EFEMP1: variants seen among roughly 807,000 people sequenced by gnomAD.
EFEMP1 encodes EGF-containing fibulin-like extracellular matrix protein 1.
A neutral mutation model predicts 65.7 loss-of-function variants in EFEMP1; 18 were observed. The ratio of observed to expected loss-of-function variants is 0.27; its 90% confidence interval spans 0.19 to 0.41. The LOEUF is 0.41. EFEMP1 is among the 10% of genes least tolerant of loss of function. The pLI, the probability that EFEMP1 is intolerant of heterozygous loss-of-function variation, is 1.00. For missense variants in EFEMP1, 469 were observed against 624.8 expected (o/e 0.75, Z 2.66); for synonymous variants, 237 against 219.7 (o/e 1.08, Z -0.70).
chr2:55,877,714 G>A lies in EFEMP1; in HGVS notation c.760+32C>T. 3.1e-6 allele frequency: 5 copies of A among 1,612,050 alleles called. No individual in the cohort carries two copies. The highest frequency in any genetic ancestry group is 4.2e-6 in the Non-Finnish European group (5 of 1,178,616). ...ATGGCATGGGGTTTCCTTTTGTGAA[G>A]ACAGAAATCAGCAAGTTCTCAAAAG... On this transcript the variant is annotated intron_variant, in intron 7 of 11. Coordinates refer to ENST00000355426, the MANE Select transcript of EFEMP1 (RefSeq NM_001039348.3). This position sits in a 1 kb window ranked among gnomAD's most constrained non-coding sequence, Gnocchi z 4.5.
chr2:55,903,614 G>A (rs1670125271), intron 5 of EFEMP1, among the ~76,000 whole-genome samples: 1 of 152,126 alleles, frequency 6.6e-6, no homozygotes, highest in Non-Finnish European at 1.5e-5. Flanking sequence ...AATCTATAAT[G>A]CATAACACAC....
intron 5 of EFEMP1, among the ~76,000 whole-genome samples, chr2:55,891,390 G>A (rs187498852): frequency 1.4e-3 from 212 of 152,134 alleles, no homozygotes; most frequent in African/African-American, 4.3e-3. Flanking sequence ...TGAACGGTGG[G>A]TGTTCCTTGT....
chr2:55,874,501 T>C (rs963323109), intron 9 of EFEMP1, among the ~76,000 whole-genome samples: 1 of 152,110 alleles, frequency 6.6e-6, no homozygotes, highest in Non-Finnish European at 1.5e-5. Context: ...TACAACATAT[T>C]AGGCTGACTT....
At chr2:55,898,972 A>G (rs1447049565) in intron 5 of EFEMP1, among the ~76,000 whole-genome samples, 1 of 152,242 alleles carries the variant, frequency 6.6e-6, no homozygotes, top group Non-Finnish European at 1.5e-5. Flanking sequence ...AGCAAGAGAC[A>G]TGAAAGGAGA....
At chr2:55,906,551 T>C (rs183986199) in intron 5 of EFEMP1, among the ~76,000 whole-genome samples, 3 of 152,256 alleles carry the variant, frequency 2.0e-5, no homozygotes, top group African/African-American at 4.8e-5. Flanking sequence ...CCAGCTTGTA[T>C]GGGAGGACTT....
In EFEMP1 at chr2:55,890,690, C is replaced by T. The variant is rs541345199; in HGVS notation, c.518-8956G>A. 1.4e-4 allele frequency among the ~76,000 whole-genome samples: 21 copies of T among 152,162 alleles called. No individual in the cohort carries two copies. The East Asian group carries it at 3.9e-3, about 28-fold the overall frequency. ...CTTTTGGAAAATTAGACATACTTCA[C>T]AACAACCCATGGTTTAAAGATAGCT... On this transcript the variant is annotated intron_variant, in intron 5 of 11. Coordinates refer to ENST00000355426, the MANE Select transcript of EFEMP1 (RefSeq NM_001039348.3).
intron 5 of EFEMP1, among the ~76,000 whole-genome samples, chr2:55,905,150 G>A (rs1159500001): frequency 6.6e-6 from 1 of 151,942 alleles, no homozygotes; most frequent in African/African-American, 2.4e-5. Context: ...GATTTACACT[G>A]AAAAATAAAC....
In EFEMP1 at chr2:55,871,090, C is replaced by G; in HGVS notation, c.1034G>C (p.Arg345Pro). Residue 345 changes from arginine (R) to proline (P), a missense_variant, in exon 10 of 12, where the codon CGG becomes CCG. This residue lies in a region of EFEMP1 where 399 missense variants were observed against 528.2 expected (regional missense o/e 0.76). Transcript: ENST00000355426. This position sits in a 1 kb window ranked among gnomAD's most constrained non-coding sequence, Gnocchi z 4.2. ...INECETTNEC[R>P]EDEMCWNYHG... ...ATAATTCCAACACATTTCATCCTCC[C>G]GGCATTCATTTGTGGTCTCACACTC... The G allele has an allele frequency of 6.2e-7, 1 of 1,613,640 alleles. No individual in the cohort carries two copies. The highest frequency in any genetic ancestry group is 8.5e-7 in the Non-Finnish European group (1 of 1,179,722).
chr2:55,896,432 A>G (rs1475396208), intron 5 of EFEMP1, among the ~76,000 whole-genome samples: 2 of 152,336 alleles, frequency 1.3e-5, no homozygotes, highest in East Asian at 3.9e-4. Flanking sequence ...CTATGTGGAG[A>G]AAAACTAGAA....
At chr2:55,898,937 G>A (rs1669934207) in intron 5 of EFEMP1, among the ~76,000 whole-genome samples, 1 of 152,142 alleles carries the variant, frequency 6.6e-6, no homozygotes, top group African/African-American at 2.4e-5. Flanking sequence ...TTACTTTCAA[G>A]TACTGTACGT....
At chr2:55,890,739 A>G (rs1446292253) in intron 5 of EFEMP1, among the ~76,000 whole-genome samples, 1 of 152,144 alleles carries the variant, frequency 6.6e-6, no homozygotes, top group African/African-American at 2.4e-5. Flanking sequence ...AGAAATCTCA[A>G]ACTGAATGAA....
chr2:55,889,567 A>G (rs1006030984), intron 5 of EFEMP1, among the ~76,000 whole-genome samples: 1 of 152,216 alleles, frequency 6.6e-6, no homozygotes, highest in Non-Finnish European at 1.5e-5. Flanking sequence ...TAAAAAGAAT[A>G]AAGATGTGGA....
intron 5 of EFEMP1, among the ~76,000 whole-genome samples, chr2:55,912,539 C>T (rs1670514234): frequency 6.6e-6 from 1 of 152,178 alleles, no homozygotes; most frequent in South Asian, 2.1e-4. Context: ...ATAATAACTT[C>T]TTCCTTTTTC....
At chr2:55,890,000 A>C (rs897619462) in intron 5 of EFEMP1, among the ~76,000 whole-genome samples, 7 of 152,070 alleles carry the variant, frequency 4.6e-5, no homozygotes, top group African/African-American at 1.7e-4. Flanking sequence ...GGTTATAGTA[A>C]ATGTAAATGG....
In EFEMP1 at chr2:55,886,759, T is replaced by A. The variant is rs1408858876; in HGVS notation, c.518-5025A>T. Reference sequence around the variant, plus strand: ...AACTTTTTAAATAAAAGGGACTCACTGAGTGAAGGTCTTAGAGGTATTTGG... The same window carrying A: ...AACTTTTTAAATAAAAGGGACTCACAGAGTGAAGGTCTTAGAGGTATTTGG... On this transcript the variant is annotated intron_variant, in intron 5 of 11. Coordinates refer to ENST00000355426, the MANE Select transcript of EFEMP1 (RefSeq NM_001039348.3). The surrounding 1 kb of genome is among the most constrained non-coding windows in gnomAD (Gnocchi z 4.0). 6.6e-6 allele frequency among the ~76,000 whole-genome samples: 1 copy of A among 152,186 alleles called. No homozygotes were observed. The highest frequency in any genetic ancestry group is 1.5e-5 in the Non-Finnish European group (1 of 68,030).
At chr2:55,890,797 T>A (rs531287334) in intron 5 of EFEMP1, among the ~76,000 whole-genome samples, 3 of 152,022 alleles carry the variant, frequency 2.0e-5, no homozygotes, top group Non-Finnish European at 4.4e-5. Context: ...TGCCAGCCCA[T>A]AAGAAGGCCC....
At position 55,921,879 on chromosome 2, in the gene EFEMP1, A is replaced by G. The variant is rs1451197924; in HGVS notation, c.81+481T>C. The stretch of plus-strand genomic sequence containing the variant: ...AGTTATACAAAAAGAATGAATATAT[A>G]GCCTTTATAAATTCAATAAAGGCCA... On this transcript the variant is annotated intron_variant, in intron 3 of 11. Coordinates refer to ENST00000355426, the MANE Select transcript of EFEMP1 (RefSeq NM_001039348.3). The surrounding 1 kb of genome is among the most constrained non-coding windows in gnomAD (Gnocchi z 4.1). 1 of 183,538 alleles carries G rather than the reference A, an allele frequency of 5.4e-6. No individual in the cohort carries two copies. Among genetic ancestry groups the G allele is most frequent in the African/African-American group, 2.4e-5 (1 of 42,416 alleles). 11.4% of individuals were successfully genotyped at this position (183,538 alleles called of 1,614,324 possible). A position where few individuals can be genotyped will look rare whatever the true frequency, so the allele number is the denominator to read the frequency against.
intron 3 of EFEMP1, among the ~76,000 whole-genome samples, chr2:55,918,668 C>A (rs1206377299): frequency 6.7e-6 from 1 of 149,456 alleles, no homozygotes; most frequent in Non-Finnish European, 1.5e-5. Context: ...CCCGCCCCCA[C>A]CCCCAACCAG....
At position 55,887,370 on chromosome 2, in the gene EFEMP1, T is replaced by A. The variant is rs551098724; in HGVS notation, c.518-5636A>T. On this transcript the variant is annotated intron_variant, in intron 5 of 11. Coordinates refer to ENST00000355426, the MANE Select transcript of EFEMP1 (RefSeq NM_001039348.3). Reference sequence around the variant, plus strand: ...GGTTGTTAATGTCACAGCACCTTGATTCCTCCCTTGCGTCTTTCTTCTACT... The same window carrying A: ...GGTTGTTAATGTCACAGCACCTTGAATCCTCCCTTGCGTCTTTCTTCTACT... Among the ~76,000 whole-genome samples, 2 of 152,310 alleles carry A rather than the reference T, an allele frequency of 1.3e-5. 1 individual carries two copies. The highest frequency in any genetic ancestry group is 4.8e-5 in the African/African-American group (2 of 41,584).
Sources: allele counts gnomAD v4.1 joint callset (sites outside exome capture counted in the v4.1 genomes callset), GRCh38; gene constraint gnomAD v4.1.1; regional missense constraint gnomAD v4.1.1; non-coding constraint Gnocchi (gnomAD v3.1); transcripts MANE v1.5; gene names NCBI Gene and HGNC (gene_info 2026-07-23, HGNC 2026-07-21).